Variants in BNC2 observed in about 807,000 individuals in gnomAD.
The protein encoded by BNC2 is zinc finger protein basonuclin-2.
In BNC2, 20 loss-of-function variants were observed where a neutral mutation model predicts 76.3. The ratio of observed to expected loss-of-function variants is 0.26; its 90% confidence interval spans 0.18 to 0.38. The LOEUF (loss-of-function observed/expected upper bound fraction) is 0.38, where lower values mean the gene tolerates loss of function less well. Among genes scored for constraint, BNC2 ranks in the 10% least tolerant of loss-of-function variants. The pLI is 1.00. For synonymous variants in BNC2, 582 were observed against 514.8 expected, an observed-to-expected ratio of 1.13 and a Z score of -1.77; for missense variants, 1,382 against 1,399.8, an observed-to-expected ratio of 0.99 and a Z score of 0.20.
At chr9:16,728,171 T>C (rs1824406184) in intron 2 of BNC2, 174 bp from the exon 3 acceptor site, 1 of 709,984 alleles carries the variant, frequency 1.4e-6, no homozygotes, top group Non-Finnish European at 2.5e-6. Flanking sequence ...CATTTATGCA[T>C]AGATTGTGAC....
chr9:16,587,639 G>C (rs928591644), intron 3 of BNC2, among the ~76,000 whole-genome samples: 1 of 152,050 alleles, frequency 6.6e-6, no homozygotes. Flanking sequence ...CTTGACTGAG[G>C]TTATTTTCAC....
At chr9:16,525,933 TA>T (rs1426075983) in intron 5 of BNC2, among the ~76,000 whole-genome samples, 1 of 152,216 alleles carries the variant, frequency 6.6e-6, no homozygotes, top group Non-Finnish European at 1.5e-5. Flanking sequence ...ATTTTAACTT[TA>T]AAAGTGTATT....
intron 5 of BNC2, among the ~76,000 whole-genome samples, chr9:16,439,694 T>C (rs1015352756): frequency 6.6e-6 from 1 of 152,218 alleles, no homozygotes; most frequent in Non-Finnish European, 1.5e-5. Context: ...TTTGATTAAG[T>C]GGGTATTTGG....
rs374287986 is a variant in BNC2 at position 16,590,580 on chromosome 9, C to T, written c.331-7495G>A. ...CTGTAATCTCAGCAATTTGGGAGGCCGAGGAGAGCACATAGCTTGAGCCAA... is the reference window on the plus strand; with the variant it reads ...CTGTAATCTCAGCAATTTGGGAGGCTGAGGAGAGCACATAGCTTGAGCCAA... On this transcript the variant is annotated intron_variant, in intron 3 of 6. Transcript: ENST00000380672. 1.7e-4 allele frequency among the ~76,000 whole-genome samples: 26 copies of T among 151,928 alleles called. No homozygotes were observed. In the East Asian group the frequency reaches 4.3e-3, roughly 25 times the overall value.
intron 3 of BNC2, among the ~76,000 whole-genome samples, chr9:16,644,100 T>C (rs1384925938): frequency 6.6e-6 from 1 of 152,192 alleles, no homozygotes; most frequent in Non-Finnish European, 1.5e-5. Context: ...ATCAAAAGAC[T>C]TTGAAATATC....
intron 3 of BNC2, among the ~76,000 whole-genome samples, chr9:16,595,970 A>G (rs1037377639): frequency 3.9e-5 from 6 of 152,146 alleles, no homozygotes; most frequent in African/African-American, 1.4e-4. Context: ...TGTCAGCTGA[A>G]TCAACATAAT....
At chr9:16,568,625 C>T (rs1819231332) in intron 4 of BNC2, among the ~76,000 whole-genome samples, 1 of 152,090 alleles carries the variant, frequency 6.6e-6, no homozygotes, top group Non-Finnish European at 1.5e-5. Context: ...TTGTAAGACT[C>T]AGCTCTCTTA....
At chr9:16,645,028 T>C (rs931214325) in intron 3 of BNC2, among the ~76,000 whole-genome samples, 2 of 152,242 alleles carry the variant, frequency 1.3e-5, no homozygotes, top group Non-Finnish European at 2.9e-5. Flanking sequence ...TACATTTACA[T>C]ACTTTAAAGA....
intron 6 of BNC2, among the ~76,000 whole-genome samples, chr9:16,426,991 G>C (rs957757872): frequency 5.9e-5 from 9 of 152,172 alleles, no homozygotes; most frequent in Non-Finnish European, 1.3e-4. Flanking sequence ...AGAAACCACT[G>C]AGTTCATCTT....
At chr9:16,770,732 G>C (rs932674820) in intron 1 of BNC2, among the ~76,000 whole-genome samples, 4 of 151,900 alleles carry the variant, frequency 2.6e-5, no homozygotes, top group African/African-American at 7.3e-5. Flanking sequence ...AGGCATGGTA[G>C]TGCACGCCTG....
intron 1 of BNC2, among the ~76,000 whole-genome samples, chr9:16,864,789 G>C (rs1393699795): frequency 6.6e-6 from 1 of 152,230 alleles, no homozygotes; most frequent in African/African-American, 2.4e-5. Context: ...AACTGTGACA[G>C]TGGGGCCTTT....
intron 1 of BNC2, among the ~76,000 whole-genome samples, chr9:16,779,172 C>A (rs111815855): frequency 4.1e-5 from 6 of 145,526 alleles, no homozygotes; most frequent in African/African-American, 1.5e-4. Context: ...AGCATGGTGG[C>A]GTGCACCTGT....
Position 16,418,843 on chromosome 9 carries a change from T to C in BNC2, c.*146A>G, listed in dbSNP as rs1305371180. ...TGTTTATCTCAAGGAAATACGTGTGTGTATATGTAGCCACAGAGCATACAT... is the reference window on the plus strand; with the variant it reads ...TGTTTATCTCAAGGAAATACGTGTGCGTATATGTAGCCACAGAGCATACAT... On this transcript the variant is annotated 3_prime_UTR_variant, in exon 7 of 7. Coordinates refer to ENST00000380672, the MANE Select transcript of BNC2 (RefSeq NM_017637.6). 1 of 875,404 alleles carries C rather than the reference T, an allele frequency of 1.1e-6. No individual in the cohort carries two copies. The highest frequency in any genetic ancestry group is 1.8e-6 in the Non-Finnish European group (1 of 545,860). 54.2% of individuals were successfully genotyped at this position (875,404 alleles called of 1,614,324 possible). A position where few individuals can be genotyped will look rare whatever the true frequency, so the allele number is the denominator to read the frequency against.
intron 5 of BNC2, among the ~76,000 whole-genome samples, chr9:16,457,079 G>A (rs1563792319): frequency 6.6e-6 from 1 of 152,050 alleles, no homozygotes; most frequent in South Asian, 2.1e-4. Context: ...TAATGGTAGT[G>A]GAGAACAATA....
chr9:16,598,821 G>C (rs966489678), intron 3 of BNC2, among the ~76,000 whole-genome samples: 1 of 152,094 alleles, frequency 6.6e-6, no homozygotes, highest in East Asian at 1.9e-4. Flanking sequence ...TATATATCCT[G>C]GGCAATACCT....
chr9:16,865,454 A>G (rs899280630), intron 1 of BNC2, among the ~76,000 whole-genome samples: 5 of 152,230 alleles, frequency 3.3e-5, no homozygotes, highest in African/African-American at 1.2e-4. Context: ...AGCAGTTACT[A>G]GCAATTTGTG....
intron 3 of BNC2, among the ~76,000 whole-genome samples, chr9:16,638,589 C>T (rs1414583341): frequency 6.6e-6 from 1 of 152,048 alleles, no homozygotes; most frequent in East Asian, 1.9e-4. Context: ...GCCTGTATGG[C>T]TCTAATTACC....
intron 6 of BNC2, among the ~76,000 whole-genome samples, chr9:16,435,312 C>G (rs1218966085): frequency 6.6e-6 from 1 of 152,076 alleles, no homozygotes; most frequent in Non-Finnish European, 1.5e-5. Context: ...ACACAGAGCA[C>G]AGAGAAAAAT....
chr9:16,489,353 G>A (rs1177561731), intron 5 of BNC2, among the ~76,000 whole-genome samples: 2 of 152,110 alleles, frequency 1.3e-5, no homozygotes, highest in African/African-American at 4.8e-5. Flanking sequence ...TGTGGCTAGT[G>A]GCTACTGTGC....
Sources: allele counts gnomAD v4.1 joint callset (sites outside exome capture counted in the v4.1 genomes callset), GRCh38; gene constraint gnomAD v4.1.1; transcripts MANE v1.5; gene names NCBI Gene and HGNC (gene_info 2026-07-23, HGNC 2026-07-21).